Variants in STK32B observed in about 807,000 individuals in gnomAD.
STK32B encodes the protein serine/threonine kinase 32B.
STK32B carries 43 observed loss-of-function variants against 52.6 expected under a neutral mutation model. That is an observed-to-expected ratio of 0.82 (90% CI 0.64 to 1.05). The LOEUF (loss-of-function observed/expected upper bound fraction) is 1.05. Ranked by LOEUF, STK32B falls within the 50% of genes least tolerant of loss-of-function variation. The pLI, the probability that STK32B is intolerant of heterozygous loss-of-function variation, is 0.00. For synonymous variants in STK32B, 238 were observed against 204.3 expected, an observed-to-expected ratio of 1.17 and a Z score of -1.41; for missense variants, 621 against 534.6, an observed-to-expected ratio of 1.16 and a Z score of -1.59.
upstream of STK32B, among the ~76,000 whole-genome samples, chr4:5,048,190 C>T (rs905070712): frequency 6.6e-5 from 10 of 151,808 alleles, no homozygotes; most frequent in East Asian, 3.8e-4. Context: ...AGTGCAGTGA[C>T]GCAATCTTGG....
chr4:5,184,233 A>G (rs376793102), intron 3 of STK32B, among the ~76,000 whole-genome samples: 42 of 152,274 alleles, frequency 2.8e-4, no homozygotes, highest in East Asian at 1.5e-3. Flanking sequence ...CTCAGAGGCC[A>G]TTGTAGTGTT....
chr4:5,488,470 T>C (rs1049980339), intron 11 of STK32B, among the ~76,000 whole-genome samples: 1 of 152,230 alleles, frequency 6.6e-6, no homozygotes, highest in East Asian at 1.9e-4. Flanking sequence ...TTTACTAATG[T>C]ATTTTGAATG....
Position 5,407,614 on chromosome 4 carries a change from G to C in STK32B, c.473-9231G>C, listed in dbSNP as rs117586503. On this transcript the variant is annotated intron_variant, in intron 5 of 11. Transcript: ENST00000282908. Reference sequence around the variant, plus strand: ...TTATAATCATGGCGGAAGGTGAAGGGGAAGTAAGTAGGTCCTCACATGGAT... The same window carrying C: ...TTATAATCATGGCGGAAGGTGAAGGCGAAGTAAGTAGGTCCTCACATGGAT... Among the ~76,000 whole-genome samples, 740 of 152,202 alleles carry C rather than the reference G, an allele frequency of 4.9e-3. 18 individuals carry two copies. The East Asian group carries it at 0.068, about 14-fold the overall frequency.
chr4:5,115,702 A>G (rs1714677556), intron 1 of STK32B, among the ~76,000 whole-genome samples: 1 of 152,078 alleles, frequency 6.6e-6, no homozygotes, highest in Non-Finnish European at 1.5e-5. Context: ...TCCTCAGGAG[A>G]GCTGGTGCTT....
At chr4:5,270,408 C>G (rs6824677) in intron 3 of STK32B, among the ~76,000 whole-genome samples, 4,012 of 151,766 alleles carry the variant, frequency 0.026, 170 homozygotes, top group African/African-American at 0.091. Flanking sequence ...TCAGCACTGT[C>G]AGCTGATTAG....
At chr4:5,434,862 T>C (rs929968785) in intron 6 of STK32B, among the ~76,000 whole-genome samples, 89 of 152,188 alleles carry the variant, frequency 5.8e-4, no homozygotes, top group African/African-American at 1.9e-3. Context: ...CCCCCTAAGA[T>C]CGCAACTATT....
At chr4:5,152,705 G>A (rs1467376642) in intron 2 of STK32B, among the ~76,000 whole-genome samples, 1 of 152,272 alleles carries the variant, frequency 6.6e-6, no homozygotes, top group Admixed American at 6.5e-5. Flanking sequence ...TGCCTGTCCT[G>A]CACCTTTGGC....
chr4:5,422,052 A>G (rs565005589), intron 6 of STK32B, among the ~76,000 whole-genome samples: 2 of 152,346 alleles, frequency 1.3e-5, no homozygotes, highest in South Asian at 4.1e-4. Context: ...TCCCAGCTGT[A>G]TGTGAGAGTC....
rs201029658 is a variant in STK32B at position 5,366,630 on chromosome 4, G to A, written c.435-31577G>A. Among the ~76,000 whole-genome samples, 5 of 152,340 alleles carry A rather than the reference G, an allele frequency of 3.3e-5. No individual in the cohort carries two copies. The East Asian group carries it at 5.8e-4, about 18-fold the overall frequency. On this transcript the variant is annotated intron_variant, in intron 4 of 11. Coordinates refer to ENST00000282908, the MANE Select transcript of STK32B (RefSeq NM_018401.3). ...GGTGGCCCAGTCACCCGGCCCAGGC[G>A]ATGACTCAAATGGCTTATTAATGGG...
chr4:5,370,143 G>C (rs551599835), intron 4 of STK32B, among the ~76,000 whole-genome samples: 1 of 152,140 alleles, frequency 6.6e-6, no homozygotes, highest in Non-Finnish European at 1.5e-5. Flanking sequence ...CCAAAGTGCT[G>C]GGATTACAGG....
At chr4:5,055,280 T>G (rs1479543410) in intron 1 of STK32B, among the ~76,000 whole-genome samples, 1 of 151,398 alleles carries the variant, frequency 6.6e-6, no homozygotes, top group East Asian at 1.9e-4. Flanking sequence ...TTTTTTTTTT[T>G]TAGAGTCAAG....
At chr4:5,154,766 C>A (rs1031574361) in intron 2 of STK32B, among the ~76,000 whole-genome samples, 9 of 152,188 alleles carry the variant, frequency 5.9e-5, no homozygotes, top group Non-Finnish European at 1.2e-4. Context: ...CCTGGTCATG[C>A]CCATCCGCAC....
chr4:5,312,815 C>T (rs1341941801), intron 3 of STK32B, among the ~76,000 whole-genome samples: 1 of 151,912 alleles, frequency 6.6e-6, no homozygotes, highest in Non-Finnish European at 1.5e-5. Context: ...AATGGGATGG[C>T]TGGGTCAAAT....
chr4:5,491,353 T>G (rs1210488836), intron 11 of STK32B, among the ~76,000 whole-genome samples: 2 of 152,204 alleles, frequency 1.3e-5, no homozygotes, highest in Non-Finnish European at 2.9e-5. Flanking sequence ...TTTTCATGTG[T>G]TTTTTGGCTG....
In STK32B at chr4:5,446,655, T is replaced by C. The variant is rs759549102; in HGVS notation, c.563-18T>C. 3.7e-6 allele frequency: 6 copies of C among 1,612,124 alleles called. No homozygotes were observed. In the South Asian group the frequency reaches 6.6e-5, roughly 18 times the overall value. On this transcript the variant is annotated intron_variant, in intron 6 of 11. Transcript: ENST00000282908. ...ACTGGGATACACAATGATGTTCTCC[T>C]TGTCCTCTCGTTGGCAGCTCCAGAA...
intron 4 of STK32B, among the ~76,000 whole-genome samples, chr4:5,371,760 T>A (rs985815444): frequency 6.6e-6 from 1 of 152,236 alleles, no homozygotes; most frequent in Non-Finnish European, 1.5e-5. Context: ...AAACAGTGCA[T>A]CTGTGAACAG....
At chr4:5,240,052 TTCTCTCTCTCTCTCTCTCTCTG>T (rs1321911940) in intron 3 of STK32B, among the ~76,000 whole-genome samples, 1 of 147,782 alleles carries the variant, frequency 6.8e-6, no homozygotes, top group African/African-American at 2.5e-5. Context: ...TTCATTTCTC[TTCTCTCTCTCTCTCTCTCTCTG>T]TCTCTCTCTC....
At chr4:5,191,656 T>C (rs1206306117) in intron 3 of STK32B, among the ~76,000 whole-genome samples, 4 of 152,224 alleles carry the variant, frequency 2.6e-5, no homozygotes, top group Admixed American at 6.5e-5. Context: ...CTAGATAGTC[T>C]CTCCTGCTCA....
In STK32B at chr4:5,051,800, GT is replaced by G; in HGVS notation, c.-63del. 1 of 1,552,260 alleles carries G rather than the reference GT, an allele frequency of 6.4e-7. No individual in the cohort carries two copies. The highest frequency in any genetic ancestry group is 1.2e-5 in the South Asian group (1 of 83,714). ...CCCGGCATCCCGCATCTCTGCGCGC[GT>G]CCCACATCCCGCATCCGGCATCCCA... On this transcript the variant is annotated 5_prime_UTR_variant, in exon 1 of 12. Transcript: ENST00000282908.
Sources: gnomAD v4.1 joint callset for allele counts (sites outside exome capture counted in the v4.1 genomes callset) on GRCh38, gnomAD v4.1.1 for gene constraint, MANE v1.5 for transcripts, NCBI Gene and HGNC (gene_info 2026-07-23, HGNC 2026-07-21) for gene names.